PTPRD: variants seen among roughly 807,000 people sequenced by gnomAD.
PTPRD encodes protein tyrosine phosphatase receptor type D.
A neutral mutation model predicts 214.5 loss-of-function variants in PTPRD; 34 were observed. The ratio of observed to expected loss-of-function variants is 0.16; its 90% CI spans 0.12 to 0.21. The LOEUF (loss-of-function observed/expected upper bound fraction) is 0.21. PTPRD is among the 10% of genes least tolerant of loss of function. The pLI, the probability that PTPRD is intolerant of heterozygous loss-of-function variation, is 1.00. For missense variants in PTPRD, 2,545 were observed against 2,398.7 expected (o/e 1.06, Z -1.27); for synonymous variants, 1,128 against 845.7 (o/e 1.33, Z -5.79).
chr9:9,341,869 C>T (rs965534170), intron 9 of PTPRD, among the ~76,000 whole-genome samples: 2 of 152,074 alleles, frequency 1.3e-5, no homozygotes, highest in African/African-American at 2.4e-5. Flanking sequence ...AGTTCAGTGT[C>T]GCAATCTCGA....
At chr9:10,113,604 G>A (rs1444386426) in intron 3 of PTPRD, among the ~76,000 whole-genome samples, 1 of 152,176 alleles carries the variant, frequency 6.6e-6, no homozygotes, top group Non-Finnish European at 1.5e-5. Context: ...CAGACCTAGA[G>A]AAACAATCTC....
At chr9:9,934,803 T>G (rs1029382947) in intron 5 of PTPRD, among the ~76,000 whole-genome samples, 31 of 151,946 alleles carry the variant, frequency 2.0e-4, no homozygotes, top group African/African-American at 7.3e-4. Context: ...ATATCCTTGA[T>G]GAATATTGAT....
At chr9:10,129,114 A>C (rs2098840250) in intron 3 of PTPRD, among the ~76,000 whole-genome samples, 1 of 152,200 alleles carries the variant, frequency 6.6e-6, no homozygotes, top group African/African-American at 2.4e-5. Flanking sequence ...ATATGAATTA[A>C]GAAAGAAAGC....
chr9:9,840,491 G>A (rs116295609), intron 5 of PTPRD, among the ~76,000 whole-genome samples: 1 of 152,036 alleles, frequency 6.6e-6, no homozygotes, highest in South Asian at 2.1e-4. Flanking sequence ...ATAATGGCAT[G>A]CCTGAGTTTA....
At chr9:9,095,176 T>A (rs1436682622) in intron 10 of PTPRD, among the ~76,000 whole-genome samples, 2 of 152,090 alleles carry the variant, frequency 1.3e-5, no homozygotes, top group Admixed American at 6.6e-5. Context: ...AACGGAAGAT[T>A]TTCTTCCTAA....
intron 7 of PTPRD, among the ~76,000 whole-genome samples, chr9:9,733,441 G>A (rs2098235253): frequency 6.6e-6 from 1 of 152,164 alleles, no homozygotes; most frequent in Non-Finnish European, 1.5e-5. Flanking sequence ...TGTTCAACAT[G>A]ACAGTTTACT....
chr9:8,682,030 G>A (rs756656792), intron 12 of PTPRD, among the ~76,000 whole-genome samples: 4 of 151,952 alleles, frequency 2.6e-5, no homozygotes, highest in Non-Finnish European at 5.9e-5. Context: ...CCTTAAATAT[G>A]AAAAATCACT....
At chr9:10,497,895 G>A (rs2042554912) in intron 2 of PTPRD, among the ~76,000 whole-genome samples, 1 of 151,902 alleles carries the variant, frequency 6.6e-6, no homozygotes, top group Non-Finnish European at 1.5e-5. Context: ...ATTTAAAAAT[G>A]TGATAGGAGA....
intron 3 of PTPRD, among the ~76,000 whole-genome samples, chr9:10,153,564 C>A (rs1282821488): frequency 6.6e-6 from 1 of 151,426 alleles, no homozygotes; most frequent in Non-Finnish European, 1.5e-5. Context: ...ACTTTAAGTT[C>A]AGGATACATG....
At chr9:9,271,549 G>T (rs1259564641) in intron 9 of PTPRD, among the ~76,000 whole-genome samples, 1 of 151,274 alleles carries the variant, frequency 6.6e-6, no homozygotes, top group Non-Finnish European at 1.5e-5. Flanking sequence ...ATTAAATATA[G>T]CAATTTAATG....
chr9:8,511,173 C>T (rs1444288744), intron 21 of PTPRD, among the ~76,000 whole-genome samples: 2 of 152,124 alleles, frequency 1.3e-5, no homozygotes, highest in East Asian at 3.9e-4. Context: ...GTCTCAAGTG[C>T]TCCTTCCACC....
chr9:8,789,093 G>A (rs1033563086), intron 11 of PTPRD, among the ~76,000 whole-genome samples: 1 of 152,174 alleles, frequency 6.6e-6, no homozygotes, highest in Admixed American at 6.5e-5. Flanking sequence ...GAGGAAGCCA[G>A]TTGACTGCCT....
chr9:9,103,014 C>T (rs564569562), intron 10 of PTPRD, among the ~76,000 whole-genome samples: 2 of 152,144 alleles, frequency 1.3e-5, no homozygotes, highest in African/African-American at 2.4e-5. Flanking sequence ...ACTGCATTGT[C>T]CTGGCTCTTA....
chr9:8,860,034 A>C (rs1265718619), intron 11 of PTPRD: 1 of 152,134 alleles, frequency 6.6e-6, no homozygotes, highest in East Asian at 1.9e-4. Context: ...CAGCCTCCCC[A>C]TAGGTGATTC....
At chr9:9,690,874 T>C (rs909212389) in intron 7 of PTPRD, among the ~76,000 whole-genome samples, 3 of 98,462 alleles carry the variant, frequency 3.0e-5, no homozygotes, top group African/African-American at 1.2e-4. Context: ...GGCTTTGTAG[T>C]ATATTTTGAA....
intron 14 of PTPRD, among the ~76,000 whole-genome samples, chr9:8,632,562 C>G (rs982338499): frequency 6.6e-6 from 1 of 151,814 alleles, no homozygotes; most frequent in Non-Finnish European, 1.5e-5. Context: ...TGTGAGGTGC[C>G]TAATTGGGAA....
intron 3 of PTPRD, among the ~76,000 whole-genome samples, chr9:10,304,599 G>A (rs752867853): frequency 2.0e-5 from 3 of 151,996 alleles, no homozygotes; most frequent in Non-Finnish European, 2.9e-5. Flanking sequence ...AAAATCACAA[G>A]GATCCCTATA....
At chr9:9,496,133 G>C (rs1196921557) in intron 8 of PTPRD, among the ~76,000 whole-genome samples, 1 of 152,096 alleles carries the variant, frequency 6.6e-6, no homozygotes, top group African/African-American at 2.4e-5. Flanking sequence ...GTCTCAATGT[G>C]TCACAACTTT....
chr9:9,720,733 G>A (rs911823692), intron 7 of PTPRD, among the ~76,000 whole-genome samples: 31 of 151,988 alleles, frequency 2.0e-4, no homozygotes, highest in Non-Finnish European at 3.1e-4. Flanking sequence ...CAAAGATATG[G>A]AATCAACCTA....
Sources: gnomAD v4.1 joint callset for allele counts (sites outside exome capture counted in the v4.1 genomes callset) on GRCh38, gnomAD v4.1.1 for gene constraint, MANE v1.5 for transcripts, NCBI Gene and HGNC (gene_info 2026-07-23, HGNC 2026-07-21) for gene names.